The following FARS2 variants were observed in gnomAD, a reference collection of about 807,000 sequenced individuals.
The protein encoded by FARS2 is phenylalanyl-tRNA synthetase 2, mitochondrial.
A neutral mutation model predicts 46.4 loss-of-function variants in FARS2; 40 were observed. That is an observed-to-expected ratio of 0.86 (90% CI 0.67 to 1.12). The LOEUF (loss-of-function observed/expected upper bound fraction) is 1.12. Ranked by LOEUF, FARS2 falls within the 50% of genes most tolerant of loss-of-function variation. FARS2 has a pLI of 0.00. For synonymous variants in FARS2, 234 were observed against 214.9 expected, an observed-to-expected ratio of 1.09 and a Z score of -0.78; for missense variants, 513 against 567.9, an observed-to-expected ratio of 0.90 and a Z score of 0.98.
At chr6:5,329,657 G>T (rs1770655471) in intron 1 of FARS2, among the ~76,000 whole-genome samples, 1 of 152,146 alleles carries the variant, frequency 6.6e-6, no homozygotes, top group Admixed American at 6.5e-5. Context: ...GCTATAAATT[G>T]GGGGTCCCCT....
intron 4 of FARS2, among the ~76,000 whole-genome samples, chr6:5,492,888 C>G (rs1374074918): frequency 6.6e-6 from 1 of 152,246 alleles, no homozygotes; most frequent in Non-Finnish European, 1.5e-5. Flanking sequence ...GCCCTGCCAC[C>G]CACCACTTTA....
At position 5,700,945 on chromosome 6, in the gene FARS2, GATAA is replaced by G. The variant is rs530791156; in HGVS notation, c.1218-70342_1218-70339del. On this transcript the variant is annotated intron_variant, in intron 6 of 6. Coordinates refer to ENST00000274680, the MANE Select transcript of FARS2 (RefSeq NM_006567.5). The stretch of plus-strand genomic sequence containing the variant: ...CCACTATTTTTTCCAAACGACCTCA[GATAA>G]ATACTTTACTTGATGTTTTTATTCG... Among the ~76,000 whole-genome samples the G allele has an allele frequency of 7.5e-4, 115 of 152,336 alleles. 2 individuals are homozygous for G. The South Asian group carries it at 8.7e-3, about 12-fold the overall frequency.
At chr6:5,473,731 G>A (rs2432801) in intron 4 of FARS2, among the ~76,000 whole-genome samples, 42,836 of 151,826 alleles carry the variant, frequency 0.28, 6,242 homozygotes, top group South Asian at 0.37. Context: ...GGCTAAATTG[G>A]ATTATCTTTG....
intron 5 of FARS2, among the ~76,000 whole-genome samples, chr6:5,603,399 G>A (rs545536044): frequency 1.3e-5 from 2 of 152,334 alleles, no homozygotes; most frequent in East Asian, 3.9e-4. Context: ...CATCACAAAA[G>A]GAGGGTCCTG....
At chr6:5,413,388 C>G (rs1762047946) in intron 3 of FARS2, among the ~76,000 whole-genome samples, 1 of 152,048 alleles carries the variant, frequency 6.6e-6, no homozygotes, top group Non-Finnish European at 1.5e-5. Flanking sequence ...GTAATGAAAA[C>G]CATCAGTGTG....
rs796554133 is a variant in FARS2, at chr6:5,709,693, T to C, written c.1218-61598T>C. On this transcript the variant is annotated intron_variant, in intron 6 of 6. Coordinates refer to ENST00000274680, the MANE Select transcript of FARS2 (RefSeq NM_006567.5). The stretch of plus-strand genomic sequence containing the variant: ...GAGGGTGTGTGTGTGTGTGTGTGTG[T>C]GTGTGCGCATGCACGTGCATGTTGG... Among the ~76,000 whole-genome samples, 397 of 27,362 alleles carry C rather than the reference T, an allele frequency of 0.015. 17 individuals are homozygous for C. In the East Asian group the frequency reaches 0.18, roughly 13 times the overall value. 18.0% of individuals were successfully genotyped at this position (27,362 alleles called of 152,430 possible). A position where few individuals can be genotyped will look rare whatever the true frequency, so the allele number is the denominator to read the frequency against.
At chr6:5,470,632 T>A (rs1292983588) in intron 4 of FARS2, among the ~76,000 whole-genome samples, 1 of 152,232 alleles carries the variant, frequency 6.6e-6, no homozygotes, top group African/African-American at 2.4e-5. Context: ...GTGGATTTGT[T>A]CCGTATAGTT....
intron 4 of FARS2, among the ~76,000 whole-genome samples, chr6:5,447,921 T>G (rs952322908): frequency 5.9e-5 from 9 of 152,144 alleles, no homozygotes; most frequent in Non-Finnish European, 1.5e-5. Context: ...ATCAGGGAGG[T>G]TATCCCAGAA....
chr6:5,403,243 T>C (rs1415935238), intron 2 of FARS2, among the ~76,000 whole-genome samples: 2 of 152,230 alleles, frequency 1.3e-5, no homozygotes, highest in Admixed American at 1.3e-4. Flanking sequence ...TTAGATCATC[T>C]TCGTAGCCTG....
chr6:5,613,941 C>G lies in FARS2; in HGVS notation c.1217+621C>G, dbSNP rs1373520913. ...AAGCTGAGAACAGAAGGATGATGGG[C>G]AGTGAAGAAAGAAGAAGGAGCATCG... is the stretch of plus-strand genomic sequence containing the variant. On this transcript the variant is annotated intron_variant, in intron 6 of 6. Coordinates refer to ENST00000274680, the MANE Select transcript of FARS2 (RefSeq NM_006567.5). 2.0e-5 allele frequency among the ~76,000 whole-genome samples: 3 copies of G among 151,858 alleles called. 1 individual carries two copies. Among genetic ancestry groups the G allele is most frequent in the Admixed American group, 1.3e-4 (2 of 15,252 alleles).
At chr6:5,358,111 GA>G (rs1758053343) in intron 1 of FARS2, among the ~76,000 whole-genome samples, 1 of 152,076 alleles carries the variant, frequency 6.6e-6, no homozygotes, top group Admixed American at 6.5e-5. Flanking sequence ...TTTTAACCTG[GA>G]GGCTATTTCT....
At chr6:5,609,203 C>A in intron 5 of FARS2, 1 of 1,182,804 alleles carries the variant, frequency 8.5e-7, no homozygotes, top group Non-Finnish European at 1.2e-6. Flanking sequence ...TGGCTCTCCT[C>A]TCCGGCTAAG....
At chr6:5,450,373 C>T (rs1426676987) in intron 4 of FARS2, among the ~76,000 whole-genome samples, 3 of 151,576 alleles carry the variant, frequency 2.0e-5, no homozygotes, top group Admixed American at 1.3e-4. Flanking sequence ...GGAGGGGAAG[C>T]GTGATGTGGG....
At chr6:5,339,107 A>T (rs1248136543) in intron 1 of FARS2, among the ~76,000 whole-genome samples, 1 of 152,222 alleles carries the variant, frequency 6.6e-6, no homozygotes, top group African/African-American at 2.4e-5. Context: ...ATGCAAGATG[A>T]TAAAAATACA....
At chr6:5,265,364 A>G (rs746682924) in intron 1 of FARS2, among the ~76,000 whole-genome samples, 25 of 152,302 alleles carry the variant, frequency 1.6e-4, no homozygotes, top group Admixed American at 2.6e-4. Context: ...GGGAGGGACC[A>G]CTGAAGTGTT....
intron 2 of FARS2, among the ~76,000 whole-genome samples, chr6:5,371,999 A>G (rs1011713091): frequency 2.0e-5 from 3 of 152,138 alleles, no homozygotes; most frequent in Non-Finnish European, 4.4e-5. Flanking sequence ...ATAATTATCA[A>G]AAGAAAGTTG....
At chr6:5,608,603 A>G (rs538190364) in intron 5 of FARS2, among the ~76,000 whole-genome samples, 89 of 127,884 alleles carry the variant, frequency 7.0e-4, no homozygotes, top group African/African-American at 2.0e-3. Flanking sequence ...ATCTGGTTCC[A>G]GATTCAATTT....
chr6:5,706,489 G>A (rs553148253), intron 6 of FARS2, among the ~76,000 whole-genome samples: 2 of 152,308 alleles, frequency 1.3e-5, no homozygotes, highest in South Asian at 4.1e-4. Context: ...CAGCATTGCT[G>A]ACTTCTTATG....
intron 2 of FARS2, among the ~76,000 whole-genome samples, chr6:5,390,914 C>G (rs1760469030): frequency 6.6e-6 from 1 of 152,212 alleles, no homozygotes; most frequent in South Asian, 2.1e-4. Context: ...ACCCAAGAAA[C>G]TGTTCACATT....
Sources: allele counts gnomAD v4.1 joint callset (sites outside exome capture counted in the v4.1 genomes callset), GRCh38; gene constraint gnomAD v4.1.1; transcripts MANE v1.5; gene names NCBI Gene and HGNC (gene_info 2026-07-23, HGNC 2026-07-21).